ADAMTS6: variants seen among roughly 807,000 people sequenced by gnomAD.
ADAMTS6 encodes A disintegrin and metalloproteinase with thrombospondin motifs 6.
A neutral mutation model predicts 144.3 loss-of-function variants in ADAMTS6; 23 were observed. The observed-to-expected ratio is 0.16, with a 90% CI of 0.11 to 0.23. The LOEUF (loss-of-function observed/expected upper bound fraction) is 0.23. Ranked by LOEUF, ADAMTS6 falls within the 10% of genes least tolerant of loss-of-function variation. ADAMTS6 has a pLI of 1.00. For synonymous variants in ADAMTS6, 444 were observed against 457.5 expected (o/e 0.97, Z 0.38); for missense variants, 999 against 1,379.6 (o/e 0.72, Z 4.37).
chr5:65,364,189 C>G (rs1750084976), intron 7 of ADAMTS6, among the ~76,000 whole-genome samples: 1 of 152,174 alleles, frequency 6.6e-6, no homozygotes, highest in Non-Finnish European at 1.5e-5. Flanking sequence ...GCTCTCTCTT[C>G]AAATATTGAT....
chr5:65,252,018 T>A (rs1308888667), intron 14 of ADAMTS6, among the ~76,000 whole-genome samples: 2 of 152,304 alleles, frequency 1.3e-5, no homozygotes, highest in East Asian at 3.9e-4. Flanking sequence ...TATACTGTTT[T>A]TGTGCTTGCT....
intron 7 of ADAMTS6, among the ~76,000 whole-genome samples, chr5:65,354,668 G>A (rs996730543): frequency 6.0e-5 from 9 of 150,720 alleles, no homozygotes; most frequent in Non-Finnish European, 1.3e-4. Flanking sequence ...TTCAAATTTC[G>A]CTCAGTAAAC....
Position 65,470,803 on chromosome 5 carries a change from A to G in ADAMTS6, c.437T>C (p.Val146Ala), listed in dbSNP as rs750822269. The G allele has an allele frequency of 1.1e-5, 17 of 1,594,914 alleles. No homozygotes were observed. The highest frequency in any genetic ancestry group is 1.8e-5 in the Admixed American group (1 of 54,746). Residue 146 changes from valine (V) to alanine (A), a missense_variant, in exon 3 of 25, where the codon GTG becomes GCG. By Grantham distance (64) the Val-to-Ala change is moderately conservative. This residue lies in a region of ADAMTS6 where 252 missense variants were observed against 293.7 expected (regional missense o/e 0.86). Transcript: ENST00000381055. ...CAACCCAACACAGTTGCTTAAAGCC[A>G]CTTTAGTTGTACTACGTTGATCTTG... is the stretch of plus-strand genomic sequence containing the variant. The part of the protein sequence containing the change: ...YLQDQRSTTK[V>A]ALSNCVGLHG...
At chr5:65,387,753 G>A (rs941260742) in intron 7 of ADAMTS6, among the ~76,000 whole-genome samples, 2 of 151,686 alleles carry the variant, frequency 1.3e-5, no homozygotes, top group Admixed American at 6.6e-5. Flanking sequence ...TAATCTTCTG[G>A]CCAAAAAAAA....
intron 9 of ADAMTS6, among the ~76,000 whole-genome samples, chr5:65,312,272 A>G (rs1471491115): frequency 6.6e-6 from 1 of 152,040 alleles, no homozygotes; most frequent in Non-Finnish European, 1.5e-5. Flanking sequence ...GCAAAAAAAG[A>G]AAGAAAAGAA....
At chr5:65,373,016 G>A (rs147751733) in intron 7 of ADAMTS6, among the ~76,000 whole-genome samples, 6 of 152,242 alleles carry the variant, frequency 3.9e-5, no homozygotes, top group Non-Finnish European at 7.4e-5. Context: ...TACTGGGTAC[G>A]TAACAAAATG....
chr5:65,423,478 A>T (rs980322470), intron 7 of ADAMTS6, among the ~76,000 whole-genome samples: 6 of 152,222 alleles, frequency 3.9e-5, no homozygotes, highest in African/African-American at 1.4e-4. Flanking sequence ...AATGTAGTAG[A>T]TGGTAACTTA....
intron 14 of ADAMTS6, among the ~76,000 whole-genome samples, chr5:65,244,275 A>G (rs1489522522): frequency 6.6e-6 from 1 of 152,134 alleles, no homozygotes; most frequent in African/African-American, 2.4e-5. Flanking sequence ...GAGATGAACT[A>G]TATAGAAGCA....
chr5:65,391,296 TTAAAA>T (rs1240056405), intron 7 of ADAMTS6, among the ~76,000 whole-genome samples: 2 of 152,112 alleles, frequency 1.3e-5, no homozygotes, highest in Non-Finnish European at 2.9e-5. Context: ...ATAATTTAAA[TTAAAA>T]TAAAGTTGCG....
At chr5:65,239,483 T>G (rs368035038) in intron 15 of ADAMTS6, among the ~76,000 whole-genome samples, 123 of 152,216 alleles carry the variant, frequency 8.1e-4, no homozygotes, top group African/African-American at 2.8e-3. Flanking sequence ...AAATATTTTC[T>G]TAAGTTGAGG....
At chr5:65,316,648 AGTT>A (rs1023782592) in intron 9 of ADAMTS6, among the ~76,000 whole-genome samples, 3 of 152,224 alleles carry the variant, frequency 2.0e-5, no homozygotes, top group African/African-American at 7.2e-5. Flanking sequence ...GAATTACAAA[AGTT>A]GTAACATGCA....
intron 7 of ADAMTS6, chr5:65,415,583 G>A (rs1755438775): frequency 5.3e-6 from 2 of 374,272 alleles, no homozygotes. Flanking sequence ...CCCTGGAGGA[G>A]ATCTATCTCT....
In ADAMTS6 at chr5:65,226,072, A is replaced by T. The variant is rs1178068647; in HGVS notation, c.2067+14T>A. 6.3e-6 allele frequency: 10 copies of T among 1,595,942 alleles called. No homozygotes were observed. The highest frequency in any genetic ancestry group is 2.7e-5 in the African/African-American group (2 of 74,586). On this transcript the variant is annotated intron_variant, in intron 16 of 24. Transcript: ENST00000381055. ...CTCAAAAACCCCAACAGAAAGGAGTAAAATCTGAGCAACCTTGCATTCTCC... is the reference window on the plus strand; with the variant it reads ...CTCAAAAACCCCAACAGAAAGGAGTTAAATCTGAGCAACCTTGCATTCTCC...
chr5:65,319,533 T>TA (rs1745334155), intron 9 of ADAMTS6, among the ~76,000 whole-genome samples: 1 of 137,976 alleles, frequency 7.2e-6, no homozygotes, highest in Admixed American at 7.2e-5. Flanking sequence ...AAAAAAAAAT[T>TA]TATATATATA....
intron 8 of ADAMTS6, among the ~76,000 whole-genome samples, chr5:65,332,135 A>C (rs1388000402): frequency 1.3e-5 from 2 of 151,674 alleles, no homozygotes; most frequent in South Asian, 2.1e-4. Context: ...TACTTTATTT[A>C]TCAAAATAAA....
At chr5:65,314,332 A>G (rs1456714212) in intron 9 of ADAMTS6, among the ~76,000 whole-genome samples, 1 of 152,116 alleles carries the variant, frequency 6.6e-6, no homozygotes, top group African/African-American at 2.4e-5. Flanking sequence ...AATCACGCAC[A>G]TACACACATA....
chr5:65,346,310 A>G (rs941823320), intron 7 of ADAMTS6, among the ~76,000 whole-genome samples: 4 of 151,888 alleles, frequency 2.6e-5, no homozygotes, highest in African/African-American at 9.7e-5. Context: ...CATTCTGGAG[A>G]TGCAGGATGG....
intron 7 of ADAMTS6, among the ~76,000 whole-genome samples, chr5:65,376,693 T>C (rs1473831383): frequency 6.6e-6 from 1 of 151,992 alleles, no homozygotes; most frequent in East Asian, 1.9e-4. Flanking sequence ...TAGCCAGGCA[T>C]GGTGACATGT....
chr5:65,227,625 G>A (rs1467275873), intron 15 of ADAMTS6, among the ~76,000 whole-genome samples: 1 of 151,926 alleles, frequency 6.6e-6, no homozygotes, highest in East Asian at 1.9e-4. Context: ...GCAGGTTGAC[G>A]GTAAGCAAAG....
Sources: allele counts gnomAD v4.1 joint callset (sites outside exome capture counted in the v4.1 genomes callset), GRCh38; gene constraint gnomAD v4.1.1; regional missense constraint gnomAD v4.1.1; transcripts MANE v1.5; gene names NCBI Gene and HGNC (gene_info 2026-07-23, HGNC 2026-07-21).